CDKL5: variants seen among roughly 807,000 people sequenced by gnomAD.
CDKL5 encodes the protein cyclin dependent kinase like 5.
Under a neutral mutation model 61.7 loss-of-function variants are expected in CDKL5, and 8 were observed. The observed-to-expected ratio is 0.13, with a 90% confidence interval of 0.08 to 0.23. The LOEUF is 0.23. Ranked by LOEUF, CDKL5 falls within the 10% of genes least tolerant of loss-of-function variation. The pLI is 1.00. For synonymous variants in CDKL5, 275 were observed against 272.3 expected, an observed-to-expected ratio of 1.01 and a Z score of -0.10; for missense variants, 440 against 734.5, an observed-to-expected ratio of 0.60 and a Z score of 4.63.
At position 18,634,021 on chromosome X, in the gene CDKL5, C is replaced by T; in HGVS notation, c.*5264C>T. On this transcript the variant is annotated 3_prime_UTR_variant, in exon 18 of 18. Coordinates refer to ENST00000623535, the MANE Select transcript of CDKL5 (RefSeq NM_001323289.2). ...ATTTGTAGGGCCAGCAAAATTGCGG[C>T]AGTGAAACTAGTTTCACTTCTAAAG... 2.7e-6 allele frequency: 2 copies of T among 753,917 alleles called. No homozygotes were observed. The highest frequency in any genetic ancestry group is 6.7e-5 in the South Asian group (1 of 14,855). 62.1% of individuals were successfully genotyped at this position (753,917 alleles called of 1,213,427 possible).
Position 18,560,211 on chromosome X carries a change from A to G in CDKL5, c.100-4266A>G, listed in dbSNP as rs374648803. Among the ~76,000 whole-genome samples, 67 of 111,851 alleles carry G rather than the reference A, an allele frequency of 6.0e-4. No individual in the cohort carries two copies. The East Asian group carries it at 0.011, about 19-fold the overall frequency. ...TAGATCCCTAAGGAATCGCCACACT[A>G]ACTTCCACAATGGTTGAACTAGTTT... is the stretch of plus-strand genomic sequence containing the variant. On this transcript the variant is annotated intron_variant, in intron 3 of 17. Transcript: ENST00000623535.
intron 1 of CDKL5, among the ~76,000 whole-genome samples, chrX:18,459,071 G>A (rs1394455216): frequency 8.9e-6 from 1 of 112,448 alleles, no homozygotes; most frequent in African/African-American, 3.2e-5. Context: ...AAAACAACTG[G>A]AGCATTAAAT....
intron 1 of CDKL5, among the ~76,000 whole-genome samples, chrX:18,506,151 T>C (rs1442924396): frequency 8.9e-6 from 1 of 112,430 alleles, no homozygotes; most frequent in Non-Finnish European, 1.9e-5. Context: ...TGTGTCCTTT[T>C]GAGGTACCCC....
At chrX:18,437,720 TTTATGTTCAGGTGGGC>T (rs1931640243) in intron 1 of CDKL5, among the ~76,000 whole-genome samples, 1 of 112,414 alleles carries the variant, frequency 8.9e-6, no homozygotes, top group South Asian at 3.6e-4. Flanking sequence ...TGTTAAACAT[TTTATGTTCAGGTGGGC>T]TTATGTATAT....
intron 16 of CDKL5, among the ~76,000 whole-genome samples, chrX:18,622,542 T>C (rs1295922384): frequency 8.9e-6 from 1 of 112,497 alleles, no homozygotes; most frequent in African/African-American, 3.2e-5. Context: ...AGAAACTACA[T>C]AGAATAAGCT....
intron 1 of CDKL5, among the ~76,000 whole-genome samples, chrX:18,505,090 T>A (rs985400846): frequency 8.9e-6 from 1 of 111,838 alleles, no homozygotes; most frequent in Non-Finnish European, 1.9e-5. Context: ...TTTGAAAATA[T>A]TTCAGATTTA....
Position 18,495,997 on chromosome X carries a change from A to G in CDKL5, c.-162-10938A>G, listed in dbSNP as rs748957485. ...ACCGCTATATCCTGAAGTATCTACA[A>G]TAGTGGCTGTCCCATTGTAGGCATC... On this transcript the variant is annotated intron_variant, in intron 1 of 17. Transcript: ENST00000623535. 4.4e-5 allele frequency among the ~76,000 whole-genome samples: 5 copies of G among 112,744 alleles called. No homozygotes were observed. In the East Asian group the frequency reaches 1.4e-3, roughly 31 times the overall value.
At chrX:18,461,566 TG>T (rs1932288531) in intron 1 of CDKL5, among the ~76,000 whole-genome samples, 1 of 112,488 alleles carries the variant, frequency 8.9e-6, no homozygotes, top group Admixed American at 9.5e-5. Context: ...TTCATGCCTT[TG>T]TAAATGGATT....
At chrX:18,566,247 G>C (rs893365354) in intron 4 of CDKL5, among the ~76,000 whole-genome samples, 1 of 111,757 alleles carries the variant, frequency 8.9e-6, no homozygotes, top group African/African-American at 3.3e-5. Context: ...CACTCCCCGG[G>C]CTCAAGTGAT....
In CDKL5 at chrX:18,587,977, A is replaced by G. The variant is rs267608500; in HGVS notation, c.578A>G (p.Asp193Gly). ...LLGAPYGKSV[D>G]MWSVGCILGE... Reference sequence around the variant, plus strand: ...AGCGCTCCCTATGGAAAGTCCGTGGACATGTGGTCGGTGGGCTGTATTCTT... The same window carrying G: ...AGCGCTCCCTATGGAAAGTCCGTGGGCATGTGGTCGGTGGGCTGTATTCTT... The change falls in exon 9 of 18, where the codon GAC becomes GGC. Residue 193 changes from aspartate to glycine, a missense_variant. Coordinates refer to ENST00000623535, the MANE Select transcript of CDKL5 (RefSeq NM_001323289.2). 1 of 1,211,206 alleles carries G rather than the reference A, an allele frequency of 8.3e-7. No homozygotes were observed. Among genetic ancestry groups the G allele is most frequent in the Non-Finnish European group, 1.1e-6 (1 of 894,885 alleles).
chrX:18,456,672 A>G (rs1434596295), intron 1 of CDKL5, among the ~76,000 whole-genome samples: 1 of 111,700 alleles, frequency 9.0e-6, no homozygotes, highest in African/African-American at 3.2e-5. Context: ...TGGTAACAAT[A>G]ATTAGGATTT....
rs1433580069 is a variant in CDKL5, at chrX:18,545,213, G to C, written c.100-19264G>C. The stretch of plus-strand genomic sequence containing the variant: ...ATCGAGCCACTGCACTCCCGCCTGG[G>C]TGACAGAGTGCAACTCTGTCTCAAA... On this transcript the variant is annotated intron_variant, in intron 3 of 17. Transcript: ENST00000623535. Among the ~76,000 whole-genome samples the C allele has an allele frequency of 2.7e-5, 3 of 110,574 alleles. No individual in the cohort carries two copies. The East Asian group carries it at 8.5e-4, about 31-fold the overall frequency.
At chrX:18,509,197 G>GCACGCGCGCGCGCGCACACACACA (rs1204561636) in intron 2 of CDKL5, among the ~76,000 whole-genome samples, 5 of 64,308 alleles carry the variant, frequency 7.8e-5, no homozygotes, top group East Asian at 1.4e-3. Context: ...CTCAAAACAC[G>GCACGCGCGCGCGCGCACACACACA]CACACACACA....
Position 18,551,774 on chromosome X carries a change from G to A in CDKL5, c.100-12703G>A, listed in dbSNP as rs894193844. 3.7e-5 allele frequency among the ~76,000 whole-genome samples: 4 copies of A among 107,040 alleles called. No individual in the cohort carries two copies. The Admixed American group carries it at 4.1e-4, about 11-fold the overall frequency. 93.0% of individuals were successfully genotyped at this position (107,040 alleles called of 115,157 possible). A position where few individuals can be genotyped will look rare whatever the true frequency, so the allele number is the denominator to read the frequency against. On this transcript the variant is annotated intron_variant, in intron 3 of 17. Coordinates refer to ENST00000623535, the MANE Select transcript of CDKL5 (RefSeq NM_001323289.2). ...CTAATCTTTTGTAGTGTGTGTGTGT[G>A]CAGAGACAGGGTTTCACCATGTTGC...
intron 2 of CDKL5, among the ~76,000 whole-genome samples, chrX:18,508,668 A>G (rs1471328606): frequency 1.8e-5 from 2 of 109,536 alleles, no homozygotes; most frequent in Non-Finnish European, 3.8e-5. Context: ...ATTGGCTCAA[A>G]ATTACCAGAC....
chrX:18,525,607 G>A (rs1354584703), intron 3 of CDKL5, among the ~76,000 whole-genome samples: 1 of 110,954 alleles, frequency 9.0e-6, no homozygotes, highest in Admixed American at 9.6e-5. Context: ...TATTGGGTTG[G>A]CTGTTTTGGG....
At chrX:18,581,553 T>G (rs749513292) in intron 6 of CDKL5, among the ~76,000 whole-genome samples, 3 of 112,002 alleles carry the variant, frequency 2.7e-5, no homozygotes, top group Non-Finnish European at 5.7e-5. Flanking sequence ...TCCAAAAATT[T>G]GTATTACTAG....
chrX:18,440,390 C>T (rs1030212815), intron 1 of CDKL5, among the ~76,000 whole-genome samples: 4 of 112,174 alleles, frequency 3.6e-5, no homozygotes, highest in African/African-American at 1.3e-4. Context: ...TCAGTCATAT[C>T]TTCAGGCTCC....
At chrX:18,542,487 C>CTTT (rs201782632) in intron 3 of CDKL5, among the ~76,000 whole-genome samples, 5,205 of 111,053 alleles carry the variant, frequency 0.047, 219 homozygotes, top group East Asian at 0.19. Flanking sequence ...TGTTGGGGCT[C>CTTT]TTTGTCTGTG....
Sources: gnomAD v4.1 joint callset for allele counts (sites outside exome capture counted in the v4.1 genomes callset) on GRCh38, gnomAD v4.1.1 for gene constraint, MANE v1.5 for transcripts, NCBI Gene and HGNC (gene_info 2026-07-23, HGNC 2026-07-21) for gene names.